The following CLASP2 variants were observed in gnomAD, a reference collection of about 807,000 sequenced individuals.
CLASP2 encodes cytoplasmic linker associated protein 2.
CLASP2 carries 47 observed loss-of-function variants against 194.4 expected under a neutral mutation model. The observed-to-expected ratio is 0.24, with a 90% CI of 0.19 to 0.31. CLASP2 has a LOEUF of 0.31. Among genes scored for constraint, CLASP2 ranks in the 10% least tolerant of loss-of-function variants. CLASP2 has a pLI of 1.00. For synonymous variants in CLASP2, 619 were observed against 633.5 expected (o/e 0.98, Z 0.34); for missense variants, 1,445 against 1,823.6 (o/e 0.79, Z 3.78).
chr3:33,661,605 A>G (rs2154332338), intron 7 of CLASP2, among the ~76,000 whole-genome samples: 1 of 152,364 alleles, frequency 6.6e-6, no homozygotes, highest in East Asian at 1.9e-4. Context: ...GAGAAGGAAC[A>G]GATCTGAGAG....
At chr3:33,644,145 C>A (rs1266824268) in intron 8 of CLASP2, among the ~76,000 whole-genome samples, 1 of 152,018 alleles carries the variant, frequency 6.6e-6, no homozygotes, top group East Asian at 1.9e-4. Context: ...TAAAGATAAA[C>A]AATATGCTAG....
At chr3:33,595,949 A>G (rs1275115816) in intron 19 of CLASP2, among the ~76,000 whole-genome samples, 2 of 152,064 alleles carry the variant, frequency 1.3e-5, no homozygotes, top group East Asian at 3.8e-4. Context: ...TCAATTTTCC[A>G]TTTACATAAT....
chr3:33,646,388 TA>T (rs1385944538), intron 7 of CLASP2, among the ~76,000 whole-genome samples: 1 of 152,110 alleles, frequency 6.6e-6, no homozygotes, highest in African/African-American at 2.4e-5. Flanking sequence ...CTTAAAAAAT[TA>T]TTTTTTTAGC....
intron 27 of CLASP2, among the ~76,000 whole-genome samples, chr3:33,564,373 T>C (rs529503552): frequency 1.3e-5 from 2 of 152,330 alleles, no homozygotes; most frequent in East Asian, 1.9e-4. Flanking sequence ...CTTCTTTTTC[T>C]GGACTCAGGC....
At chr3:33,659,359 T>A in intron 7 of CLASP2, 1 of 1,078,334 alleles carries the variant, frequency 9.3e-7, no homozygotes, top group Non-Finnish European at 1.1e-6. Flanking sequence ...TGGGGGACTT[T>A]TAATGCAATC....
chr3:33,609,037 T>G (rs2074540024), intron 13 of CLASP2, among the ~76,000 whole-genome samples: 1 of 152,144 alleles, frequency 6.6e-6, no homozygotes, highest in African/African-American at 2.4e-5. Context: ...CTCAGCACTT[T>G]GGAAGGCTGA....
intron 1 of CLASP2, among the ~76,000 whole-genome samples, chr3:33,713,585 C>T (rs948778991): frequency 2.6e-5 from 4 of 152,036 alleles, no homozygotes; most frequent in Non-Finnish European, 4.4e-5. Flanking sequence ...CCTCAGAATG[C>T]GAAAGGGGCT....
intron 9 of CLASP2, among the ~76,000 whole-genome samples, chr3:33,628,709 T>C (rs2078502647): frequency 6.6e-6 from 1 of 151,836 alleles, no homozygotes; most frequent in Non-Finnish European, 1.5e-5. Flanking sequence ...TCAGGAGAGG[T>C]CTGGCTTGGA....
chr3:33,510,895 A>T, intron 36 of CLASP2, 131 bp from the exon 37 acceptor site: 1 of 812,510 alleles, frequency 1.2e-6, no homozygotes, highest in Admixed American at 2.8e-5. Context: ...GTAAACAAAC[A>T]TGAAAAGTGA....
rs982089727 is a variant in CLASP2 at position 33,498,277 on chromosome 3, C to A, written c.*354G>T. ...ACTGTTAAACTTTTAAAGCTTTAAG[C>A]ATTCCTGTTTAACCAGCATTTAAAA... On this transcript the variant is annotated 3_prime_UTR_variant, in exon 39 of 39. Coordinates refer to ENST00000682230, the MANE Select transcript of CLASP2 (RefSeq NM_001365631.1). 5.8e-6 allele frequency: 1 copy of A among 172,244 alleles called. No individual in the cohort carries two copies. The highest frequency in any genetic ancestry group is 2.4e-5 in the African/African-American group (1 of 42,242). The allele number at this position is 172,244 out of a possible 1,614,324, so 10.7% of individuals were successfully genotyped here.
At chr3:33,546,452 A>G (rs1476050134) in intron 30 of CLASP2, among the ~76,000 whole-genome samples, 3 of 152,044 alleles carry the variant, frequency 2.0e-5, no homozygotes, top group Non-Finnish European at 4.4e-5. Context: ...GTTTTACTAG[A>G]TTTCATATTT....
chr3:33,632,267 CG>C, intron 9 of CLASP2, 24 bp downstream of exon 9: 3 of 1,482,714 alleles, frequency 2.0e-6, no homozygotes, highest in South Asian at 1.3e-5. Context: ...GCAATATTCA[CG>C]GGGAGTGCCA....
At chr3:33,504,724 T>C (rs1344855535) in intron 37 of CLASP2, 2 of 152,222 alleles carry the variant, frequency 1.3e-5, no homozygotes, top group Non-Finnish European at 2.9e-5. Flanking sequence ...CCTCAGATCA[T>C]CAGGCATTAG....
At chr3:33,602,911 GGA>G in intron 18 of CLASP2, 39 bp downstream of exon 18, 1 of 1,555,748 alleles carries the variant, frequency 6.4e-7, no homozygotes, top group Non-Finnish European at 8.8e-7. Flanking sequence ...CAGAGATCAG[GGA>G]GAGAACATGG....
intron 29 of CLASP2, among the ~76,000 whole-genome samples, chr3:33,555,199 T>A (rs1269749442): frequency 6.6e-6 from 1 of 152,134 alleles, no homozygotes. Context: ...ATATAGAATT[T>A]TTACTTGTCA....
intron 26 of CLASP2, among the ~76,000 whole-genome samples, chr3:33,570,365 GTAAT>G (rs1409145053): frequency 6.6e-6 from 1 of 152,064 alleles, no homozygotes; most frequent in Non-Finnish European, 1.5e-5. Context: ...CATCAATGCT[GTAAT>G]TAATCACAGA....
chr3:33,672,987 G>A (rs1263978472), intron 6 of CLASP2, among the ~76,000 whole-genome samples: 4 of 152,168 alleles, frequency 2.6e-5, no homozygotes, highest in Non-Finnish European at 4.4e-5. Context: ...GAAAGTGACG[G>A]GGAGAATGGA....
At chr3:33,684,980 C>A (rs2090425610) in intron 5 of CLASP2, among the ~76,000 whole-genome samples, 1 of 147,966 alleles carries the variant, frequency 6.8e-6, no homozygotes, top group African/African-American at 2.5e-5. Context: ...CCAGGCTGGG[C>A]GACAGAGCAA....
rs183039470 is a variant in CLASP2 at position 33,544,478 on chromosome 3, C to T, written c.3297+220G>A. Among the ~76,000 whole-genome samples, 3 of 152,202 alleles carry T rather than the reference C, an allele frequency of 2.0e-5. No homozygotes were observed. The East Asian group carries it at 5.8e-4, about 29-fold the overall frequency. On this transcript the variant is annotated intron_variant, in intron 31 of 38. Transcript: ENST00000682230. Reference sequence around the variant, plus strand: ...TTGTTCATACCTGGCCACTGTTTACCACTATCCTAATGCACACAAATTATA... The same window carrying T: ...TTGTTCATACCTGGCCACTGTTTACTACTATCCTAATGCACACAAATTATA...
Sources: allele counts gnomAD v4.1 joint callset (sites outside exome capture counted in the v4.1 genomes callset), GRCh38; gene constraint gnomAD v4.1.1; transcripts MANE v1.5; gene names NCBI Gene and HGNC (gene_info 2026-07-23, HGNC 2026-07-21).